The following DNAJC10 variants were observed in gnomAD, a reference collection of about 807,000 sequenced individuals.
DNAJC10 encodes endoplasmic reticulum disulfide reductase DNAJC10.
In DNAJC10, 101 loss-of-function variants were observed where a neutral mutation model predicts 115.0. That is an observed-to-expected ratio of 0.88 (90% confidence interval 0.75 to 1.04). The LOEUF (loss-of-function observed/expected upper bound fraction) is 1.04. DNAJC10 is among the 50% of genes least tolerant of loss of function. The probability of loss-of-function intolerance (pLI) is 0.00; values close to 1 mark genes in which losing one functional copy is unlikely to be tolerated. For missense variants in DNAJC10, 981 were observed against 928.8 expected (o/e 1.06, Z -0.73); for synonymous variants, 307 against 301.5 (o/e 1.02, Z -0.19).
In DNAJC10 at chr2:182,718,187, A is replaced by G. The variant is rs1438751209; in HGVS notation, c.101A>G (p.Gln34Arg). ...ATGGCCATTTTAGTGGGCACAGATCAGGATTTTTACAGTTTACTTGGAGTG... is the reference window on the plus strand; with the variant it reads ...ATGGCCATTTTAGTGGGCACAGATCGGGATTTTTACAGTTTACTTGGAGTG... ...VYMAILVGTD[Q>R]DFYSLLGVSK... The change falls in exon 3 of 24, where the codon CAG (glutamine) becomes CGG (arginine). Residue 34 changes from glutamine (Q) to arginine (R), a missense_variant. Coordinates refer to ENST00000264065, the MANE Select transcript of DNAJC10 (RefSeq NM_018981.4). 1.2e-6 allele frequency: 2 copies of G among 1,613,584 alleles called. No individual in the cohort carries two copies. Among genetic ancestry groups the G allele is most frequent in the African/African-American group, 2.7e-5 (2 of 74,932 alleles).
chr2:182,750,732 G>C (rs1370680165), intron 14 of DNAJC10, among the ~76,000 whole-genome samples: 1 of 152,166 alleles, frequency 6.6e-6, no homozygotes, highest in Non-Finnish European at 1.5e-5. Flanking sequence ...TAACACAGCG[G>C]TAAGAGTTTG....
intron 18 of DNAJC10, among the ~76,000 whole-genome samples, chr2:182,757,051 C>T (rs903846693): frequency 2.6e-5 from 4 of 151,978 alleles, no homozygotes; most frequent in Admixed American, 6.6e-5. Context: ...TTAAAAATAT[C>T]ATTTCCTGAC....
At chr2:182,746,015 A>G (rs532884899) in intron 14 of DNAJC10, among the ~76,000 whole-genome samples, 31 of 151,876 alleles carry the variant, frequency 2.0e-4, no homozygotes, top group Middle Eastern at 3.4e-3. Context: ...GCGATAGTTT[A>G]CTGAGAATGA....
rs1694853743 is a variant in DNAJC10 at position 182,781,772 on chromosome 2, G to C, written c.*4640G>C. 1 of 152,150 alleles carries C rather than the reference G, an allele frequency of 6.6e-6. No individual in the cohort carries two copies. Among genetic ancestry groups the C allele is most frequent in the Admixed American group, 6.5e-5 (1 of 15,274 alleles). The allele number at this position is 152,150 out of a possible 1,614,324, so 9.4% of individuals were successfully genotyped here. Reference sequence around the variant, plus strand: ...CCACCTAAATGTCTTCTTTTGAGAAGTGTCTGTTCATATCCTTTGCCCACT... The same window carrying C: ...CCACCTAAATGTCTTCTTTTGAGAACTGTCTGTTCATATCCTTTGCCCACT... On this transcript the variant is annotated 3_prime_UTR_variant, in exon 24 of 24. Transcript: ENST00000264065.
At chr2:182,732,942 CCTTTGTGG>C (rs1489173390) in intron 10 of DNAJC10, among the ~76,000 whole-genome samples, 3 of 151,730 alleles carry the variant, frequency 2.0e-5, no homozygotes, top group Non-Finnish European at 4.4e-5. Flanking sequence ...ATTGAAATAC[CCTTTGTGG>C]CTTTGTGGCT....
Position 182,756,334 on chromosome 2 carries a change from G to A in DNAJC10, c.1674G>A (p.Val558=). Residue 558 remains valine (V), a synonymous_variant, in exon 18 of 24, where the codon GTG becomes GTA. Coordinates refer to ENST00000264065, the MANE Select transcript of DNAJC10 (RefSeq NM_018981.4). ...TTCAGGATCTTATGAATCCTTCAGT[G>A]GTCTCCCTTACACCCACCACCTTCA... ...EFIEDLMNPS[V]VSLTPTTFNE... is the part of the protein sequence containing the mutation. 1.2e-6 allele frequency: 2 copies of A among 1,613,068 alleles called. No homozygotes were observed. The highest frequency in any genetic ancestry group is 1.7e-6 in the Non-Finnish European group (2 of 1,179,462).
intron 19 of DNAJC10, among the ~76,000 whole-genome samples, chr2:182,758,468 T>C (rs1226195776): frequency 6.6e-6 from 1 of 152,218 alleles, no homozygotes; most frequent in African/African-American, 2.4e-5. Context: ...CTGCATTTTG[T>C]AGGTAGTTTT....
rs370486888 is a variant in DNAJC10, at chr2:182,754,298, C to G, written c.1552-705C>G. 1.2e-4 allele frequency among the ~76,000 whole-genome samples: 19 copies of G among 152,256 alleles called. No individual in the cohort carries two copies. In the East Asian group the frequency reaches 1.4e-3, roughly 11 times the overall value. ...TATTTTTGAATCCTGGTCAAAGATT[C>G]CAGTTTGCTAATGAGTACTTAAAAC... On this transcript the variant is annotated intron_variant, in intron 16 of 23. Transcript: ENST00000264065.
In DNAJC10 at chr2:182,781,366, A is replaced by T. The variant is rs928533921; in HGVS notation, c.*4234A>T. 4 of 152,090 alleles carry T rather than the reference A, an allele frequency of 2.6e-5. No individual in the cohort carries two copies. Among genetic ancestry groups the T allele is most frequent in the Admixed American group, 2.0e-4 (3 of 15,254 alleles). 9.4% of individuals were successfully genotyped at this position (152,090 alleles called of 1,614,324 possible). On this transcript the variant is annotated 3_prime_UTR_variant, in exon 24 of 24. Transcript: ENST00000264065. ...CGTTTCTTTATCCAGTCTAACATTGATGGGCATTTTGGTTGGTTCCAAGTG... is the reference window on the plus strand; with the variant it reads ...CGTTTCTTTATCCAGTCTAACATTGTTGGGCATTTTGGTTGGTTCCAAGTG...
intron 4 of DNAJC10, among the ~76,000 whole-genome samples, chr2:182,721,044 A>G (rs752687538): frequency 9.2e-5 from 14 of 151,880 alleles, no homozygotes; most frequent in Non-Finnish European, 1.6e-4. Context: ...GAAACAAAGT[A>G]AAGGAACTAA....
intron 14 of DNAJC10, among the ~76,000 whole-genome samples, chr2:182,744,438 C>CT (rs1010803044): frequency 3.2e-4 from 48 of 152,206 alleles, no homozygotes; most frequent in African/African-American, 1.1e-3. Flanking sequence ...ACAAAAAATA[C>CT]TTTAATGGTC....
Position 182,779,713 on chromosome 2 carries a change from T to C in DNAJC10, c.*2581T>C, listed in dbSNP as rs1051317227. The C allele has an allele frequency of 2.0e-5, 3 of 152,244 alleles. No homozygotes were observed. The highest frequency in any genetic ancestry group is 1.3e-4 in the Admixed American group (2 of 15,266). 9.4% of individuals were successfully genotyped at this position (152,244 alleles called of 1,614,324 possible). A position where few individuals can be genotyped will look rare whatever the true frequency, so the allele number is the denominator to read the frequency against. The stretch of plus-strand genomic sequence containing the variant: ...AAGGAAAAGTAAAATGAAATGTTTA[T>C]GTAATTTTATATTCTCAAAATTTTC... On this transcript the variant is annotated 3_prime_UTR_variant, in exon 24 of 24. Coordinates refer to ENST00000264065, the MANE Select transcript of DNAJC10 (RefSeq NM_018981.4).
chr2:182,718,152 G>A lies in DNAJC10; in HGVS notation c.66G>A (p.Leu22=). 6.2e-7 allele frequency: 1 copy of A among 1,613,288 alleles called. No homozygotes were observed. The highest frequency in any genetic ancestry group is 8.5e-7 in the Non-Finnish European group (1 of 1,179,698). The part of the protein sequence containing the change: ...RDLKRIILCF[L]IVYMAILVGT... ...TGAAAAGGATCATTCTCTGTTTTCT[G>A]ATAGTGTATATGGCCATTTTAGTGG... The change falls in exon 3 of 24, where the codon CTG becomes CTA. Residue 22 remains leucine (L), a synonymous_variant. Coordinates refer to ENST00000264065, the MANE Select transcript of DNAJC10 (RefSeq NM_018981.4).
intron 3 of DNAJC10, 27 bp from the exon 4 acceptor site, chr2:182,719,980 T>C: frequency 7.8e-7 from 1 of 1,287,538 alleles, no homozygotes; most frequent in Non-Finnish European, 1.1e-6. Flanking sequence ...CTGAAATAAT[T>C]GTATTATATC....
At chr2:182,772,106 C>T (rs911041085) in intron 22 of DNAJC10, among the ~76,000 whole-genome samples, 2 of 152,172 alleles carry the variant, frequency 1.3e-5, no homozygotes, top group African/African-American at 4.8e-5. Context: ...GTAGGTTGTT[C>T]AGTTTCCACT....
chr2:182,760,330 ATTCT>A (rs1422176179), intron 21 of DNAJC10, among the ~76,000 whole-genome samples: 2 of 152,210 alleles, frequency 1.3e-5, no homozygotes, highest in Admixed American at 6.5e-5. Flanking sequence ...GTGCATATTA[ATTCT>A]TTATTTATTA....
rs113672047 is a variant in DNAJC10, at chr2:182,780,123, AACTT to A, written c.*2998_*3001del. 6.6e-6 allele frequency: 1 copy of A among 152,198 alleles called. No individual in the cohort carries two copies. Among genetic ancestry groups the A allele is most frequent in the East Asian group, 1.9e-4 (1 of 5,202 alleles). 9.4% of individuals were successfully genotyped at this position (152,198 alleles called of 1,614,324 possible). ...TATTCTACTTTACACATATACTGAA[AACTT>A]ACTTACATATACCCAAATTCTTCTA... On this transcript the variant is annotated 3_prime_UTR_variant, in exon 24 of 24. Coordinates refer to ENST00000264065, the MANE Select transcript of DNAJC10 (RefSeq NM_018981.4).
chr2:182,759,063 C>A, intron 20 of DNAJC10, 97 bp from the exon 21 acceptor site: 1 of 1,166,976 alleles, frequency 8.6e-7, no homozygotes, highest in Non-Finnish European at 1.2e-6. Flanking sequence ...CCTTCCTTGA[C>A]ATCATTTTTA....
intron 16 of DNAJC10, among the ~76,000 whole-genome samples, chr2:182,753,494 C>T (rs2105671610): frequency 6.6e-6 from 1 of 150,386 alleles, no homozygotes; most frequent in East Asian, 2.0e-4. Flanking sequence ...AATGTTTTCT[C>T]TGTAACTTTG....
Sources: gnomAD v4.1 joint callset for allele counts (sites outside exome capture counted in the v4.1 genomes callset) on GRCh38, gnomAD v4.1.1 for gene constraint, MANE v1.5 for transcripts, NCBI Gene and HGNC (gene_info 2026-07-23, HGNC 2026-07-21) for gene names.